MACF1: variants seen among roughly 807,000 people sequenced by gnomAD.
The protein encoded by MACF1 is microtubule-actin cross-linking factor 1.
In MACF1, 193 loss-of-function variants were observed where a neutral mutation model predicts 854.8. The ratio of observed to expected loss-of-function variants is 0.23; its 90% CI spans 0.20 to 0.25. The LOEUF is 0.25. Ranked by LOEUF, MACF1 falls within the 10% of genes least tolerant of loss-of-function variation. The pLI is 1.00. For missense variants in MACF1, 7,722 were observed against 8,929.1 expected (o/e 0.86, Z 5.45); for synonymous variants, 3,185 against 3,226.7 (o/e 0.99, Z 0.44).
In MACF1 at chr1:39,284,344, C is replaced by A; in HGVS notation, c.1047C>A (p.Asn349Lys). ...QNPVELKALY[N>K]QYIHFKETEI... The stretch of plus-strand genomic sequence containing the variant: ...TATTAATTTTATAGGCACTTTATAA[C>A]CAATATATACACTTCAAAGAAACAG... Residue 349 changes from asparagine to lysine, a missense_variant, in exon 11 of 101, where the codon AAC (asparagine) becomes AAA (lysine). Asn to Lys is a moderately conservative substitution (Grantham distance 94). Around this residue, in one of 15 missense-constraint regions of MACF1, gnomAD observed 97 missense variants for 130.4 expected, o/e 0.74. Coordinates refer to ENST00000564288, the MANE Select transcript of MACF1 (RefSeq NM_001394062.1). 6.3e-7 allele frequency: 1 copy of A among 1,587,374 alleles called. No individual in the cohort carries two copies. The highest frequency in any genetic ancestry group is 8.5e-7 in the Non-Finnish European group (1 of 1,171,266).
At chr1:39,369,928 T>G (rs1649084838) in intron 50 of MACF1, 102 bp from the exon 51 acceptor site, 2 of 1,046,898 alleles carry the variant, frequency 1.9e-6, no homozygotes, top group Admixed American at 2.4e-5. Flanking sequence ...AGAAAGGCCA[T>G]GTTAGGTAAC....
chr1:39,202,918 C>T (rs978101419), upstream of MACF1, among the ~76,000 whole-genome samples: 1 of 152,080 alleles, frequency 6.6e-6, no homozygotes, highest in African/African-American at 2.4e-5. Context: ...ATCCTATTGC[C>T]AGATTTAAAA....
rs114134009 is a variant in MACF1, at chr1:39,231,456, A to G, written c.171+213A>G. Among the ~76,000 whole-genome samples, 477 of 152,206 alleles carry G rather than the reference A, an allele frequency of 3.1e-3. 2 individuals are homozygous for G. Among genetic ancestry groups the G allele is most frequent in the African/African-American group, 0.011 (458 of 41,538 alleles). ...GTTCTCAAACTCCTGGGCTCAAGCA[A>G]TCCTACTGCCTCAGCCTCCAAAGTG... On this transcript the variant is annotated intron_variant, in intron 2 of 100. Transcript: ENST00000564288.
chr1:39,274,326 A>T (rs1645390758), intron 6 of MACF1, among the ~76,000 whole-genome samples: 1 of 152,236 alleles, frequency 6.6e-6, no homozygotes, highest in South Asian at 2.1e-4. Context: ...TAAAATTATG[A>T]TATAATACAT....
At position 39,468,657 on chromosome 1, in the gene MACF1, A is replaced by G; in HGVS notation, c.21814A>G (p.Ser7272Gly). 1 of 1,614,176 alleles carries G rather than the reference A, an allele frequency of 6.2e-7. No homozygotes were observed. The change falls in exon 96 of 101, where the codon AGC becomes GGC. Residue 7272 changes from serine to glycine, a missense_variant. Ser to Gly is a moderately conservative substitution (Grantham distance 56). Coordinates refer to ENST00000564288, the MANE Select transcript of MACF1 (RefSeq NM_001394062.1). ...QQLRLVRILR[S>G]TVMVRVGGGW... ...GTTGCGGCTGGTCCGTATTCTGCGC[A>G]GCACCGTGATGGTTCGCGTTGGTGG...
chr1:39,120,579 G>A (rs551613197), intron 2 of MACF1, among the ~76,000 whole-genome samples: 1 of 152,006 alleles, frequency 6.6e-6, no homozygotes, highest in African/African-American at 2.4e-5. Flanking sequence ...GGCCAGGCAG[G>A]TCTCGAACTC....
At chr1:39,141,674 C>T (rs1643348828) in intron 2 of MACF1, among the ~76,000 whole-genome samples, 1 of 152,040 alleles carries the variant, frequency 6.6e-6, no homozygotes, top group Non-Finnish European at 1.5e-5. Flanking sequence ...TGTTTCTTGC[C>T]TTGTAGATTT....
rs534542572 is a variant in MACF1, at chr1:39,105,172, G to A, written c.220+20734G>A. On this transcript the variant is annotated intron_variant, in intron 2 of 93. Transcript: ENST00000361689. The surrounding 1 kb of genome is among the most constrained non-coding windows in gnomAD (Gnocchi z 5.9). ...CCCCTCGGCTCGGGCCCCAGTCCGG[G>A]CCGGGCGGGGGTCGGCAGCCCCTGG... is the stretch of plus-strand genomic sequence containing the variant. Among the ~76,000 whole-genome samples, 1 of 151,918 alleles carries A rather than the reference G, an allele frequency of 6.6e-6. No individual in the cohort carries two copies. Among genetic ancestry groups the A allele is most frequent in the East Asian group, 1.9e-4 (1 of 5,142 alleles).
intron 54 of MACF1, 127 bp downstream of exon 54, chr1:39,379,571 G>A: frequency 9.9e-7 from 1 of 1,009,710 alleles, no homozygotes; most frequent in African/African-American, 1.6e-5. Flanking sequence ...TGGGCAGTAT[G>A]TTTGACATTC....
At chr1:39,391,061 A>G (rs1435171374) in intron 58 of MACF1, among the ~76,000 whole-genome samples, 1 of 151,924 alleles carries the variant, frequency 6.6e-6, no homozygotes, top group Admixed American at 6.6e-5. Flanking sequence ...CAGTGAGCCA[A>G]GATGGCGCCA....
At chr1:39,321,784 A>G (rs1349571922) in intron 31 of MACF1, among the ~76,000 whole-genome samples, 1 of 152,264 alleles carries the variant, frequency 6.6e-6, no homozygotes, top group Non-Finnish European at 1.5e-5. Flanking sequence ...CTGCATTTTA[A>G]TAAATTATAT....
intron 20 of MACF1, among the ~76,000 whole-genome samples, chr1:39,297,211 C>T (rs1289393838): frequency 2.0e-5 from 3 of 152,162 alleles, no homozygotes; most frequent in Non-Finnish European, 2.9e-5. Context: ...CAGGCGTGAG[C>T]CACCGCGCCT....
chr1:39,481,123 A>G, intron 99 of MACF1, 93 bp downstream of exon 99: 2 of 697,880 alleles, frequency 2.9e-6, no homozygotes, highest in Non-Finnish European at 4.9e-6. Flanking sequence ...GAATCCCTGC[A>G]CTCTTTCATC....
chr1:39,226,851 A>T (rs1171513520), intron 1 of MACF1, among the ~76,000 whole-genome samples: 1 of 152,078 alleles, frequency 6.6e-6, no homozygotes, highest in Admixed American at 6.6e-5. Flanking sequence ...AAGAAATTAT[A>T]AAAAAAAGAA....
In MACF1 at chr1:39,447,978, G is replaced by A. The variant is rs1020410790; in HGVS notation, c.19969-55G>A. The A allele has an allele frequency of 1.2e-5, 19 of 1,611,028 alleles. 1 individual carries two copies. In the East Asian group the frequency reaches 1.8e-4, roughly 15 times the overall value. Reference sequence around the variant, plus strand: ...TGAGTCTCTGGGATGATTCTCAAACGTGCTGTATAGTGTGTATATTCATTC... The same window carrying A: ...TGAGTCTCTGGGATGATTCTCAAACATGCTGTATAGTGTGTATATTCATTC... On this transcript the variant is annotated intron_variant, in intron 82 of 100. Coordinates refer to ENST00000564288, the MANE Select transcript of MACF1 (RefSeq NM_001394062.1).
At chr1:39,224,850 C>G (rs1644694147) in intron 1 of MACF1, among the ~76,000 whole-genome samples, 1 of 152,118 alleles carries the variant, frequency 6.6e-6, no homozygotes, top group African/African-American at 2.4e-5. Flanking sequence ...CTCAGAGACC[C>G]TTGTTGACGA....
chr1:39,285,922 T>C (rs985808555), intron 14 of MACF1, among the ~76,000 whole-genome samples, 164 bp downstream of exon 14: 1 of 152,212 alleles, frequency 6.6e-6, no homozygotes, highest in Non-Finnish European at 1.5e-5. Context: ...GTTTTGTCAG[T>C]AGAGGACAGT....
chr1:39,284,311 TC>T (rs766262209), intron 10 of MACF1, 21 bp from the exon 11 acceptor site: 1 of 1,567,046 alleles, frequency 6.4e-7, no homozygotes, highest in East Asian at 2.2e-5. Flanking sequence ...GTCCATTTAT[TC>T]ACCAAATATT....
chr1:39,218,145 T>G lies in MACF1; in HGVS notation c.109+13014T>G, dbSNP rs549059566. 1.0e-3 allele frequency among the ~76,000 whole-genome samples: 129 copies of G among 124,610 alleles called. 5 individuals carry two copies. The South Asian group carries it at 0.03, about 29-fold the overall frequency. The allele number at this position is 124,610 out of a possible 152,430, so 81.7% of individuals were successfully genotyped here. A position where few individuals can be genotyped will look rare whatever the true frequency, so the allele number is the denominator to read the frequency against. ...TTGCAGTGAGCCGAGATCACACCAG[T>G]GCACTCCAGCCTGGGCGACAGAGCG... On this transcript the variant is annotated intron_variant, in intron 1 of 100. Transcript: ENST00000564288.
Sources: gnomAD v4.1 joint callset for allele counts (sites outside exome capture counted in the v4.1 genomes callset) on GRCh38, gnomAD v4.1.1 for gene constraint, gnomAD v4.1.1 regional missense constraint, Gnocchi (gnomAD v3.1) non-coding constraint, MANE v1.5 for transcripts, NCBI Gene and HGNC (gene_info 2026-07-23, HGNC 2026-07-21) for gene names.